The following SCAMP3 variants were observed in gnomAD, a reference collection of about 807,000 sequenced individuals.
SCAMP3 encodes secretory carrier membrane protein 3.
In SCAMP3, 30 loss-of-function variants were observed where a neutral mutation model predicts 44.1. The observed-to-expected ratio is 0.68, with a 90% CI of 0.51 to 0.92. SCAMP3 has a LOEUF of 0.92. SCAMP3 is among the 40% of genes least tolerant of loss of function. The pLI is 0.00. For synonymous variants in SCAMP3, 168 were observed against 171.1 expected (o/e 0.98, Z 0.14); for missense variants, 394 against 440.0 (o/e 0.90, Z 0.93).
At chr1:155,259,023 T>C in intron 4 of SCAMP3, 69 bp from the exon 5 acceptor site, 1 of 1,336,354 alleles carries the variant, frequency 7.5e-7, no homozygotes, top group Non-Finnish European at 1.0e-6. Context: ...TCACTCCCCC[T>C]TCTCTCCATC....
chr1:155,256,841 C>T, intron 7 of SCAMP3, 50 bp from the exon 8 acceptor site: 1 of 1,431,578 alleles, frequency 7.0e-7, no homozygotes, highest in Non-Finnish European at 9.9e-7. Flanking sequence ...AGCTTCTCCA[C>T]TGGTTATGTC....
At chr1:155,261,893 C>T in intron 1 of SCAMP3, 159 bp from the exon 2 acceptor site, 1 of 809,444 alleles carries the variant, frequency 1.2e-6, no homozygotes, top group South Asian at 1.6e-5. Context: ...CATCATCCAA[C>T]ACTGCCAGCA....
chr1:155,261,462 A>G (rs1453359595), intron 2 of SCAMP3, 195 bp downstream of exon 2: 1 of 622,414 alleles, frequency 1.6e-6, no homozygotes, highest in South Asian at 1.8e-5. Flanking sequence ...TTTAGAGCTC[A>G]AACCATTTGG....
chr1:155,259,754 T>C (rs1672908699), intron 4 of SCAMP3, among the ~76,000 whole-genome samples: 1 of 152,202 alleles, frequency 6.6e-6, no homozygotes, highest in Admixed American at 6.5e-5. Flanking sequence ...TTAAAACATC[T>C]AAGCACTGTA....
intron 5 of SCAMP3, among the ~76,000 whole-genome samples, chr1:155,258,202 G>A (rs1672856822): frequency 6.6e-6 from 1 of 151,202 alleles, no homozygotes; most frequent in Non-Finnish European, 1.5e-5. Context: ...TGTATTTGTA[G>A]TAGAGACGGG....
Position 155,261,675 on chromosome 1 carries a change from GT to G in SCAMP3, c.125del (p.Asn42ThrfsTer59), listed in dbSNP as rs779144322. On this transcript the variant is annotated frameshift_variant, in exon 2 of 9. Transcript: ENST00000302631. LOFTEE classifies it high-confidence loss of function. ...SRQYATLDVYNPFETREPPPA... is the reference protein window; with the variant it reads ...SRQYATLDVYXPFETREPPPA... The stretch of plus-strand genomic sequence containing the variant: ...AGCTCACCTCCCGGGTCTCAAAAGG[GT>G]TGTAGACGTCAAGCGTGGCATACTG... The G allele has an allele frequency of 1.2e-6, 2 of 1,614,056 alleles. No individual in the cohort carries two copies. The highest frequency in any genetic ancestry group is 1.7e-6 in the Non-Finnish European group (2 of 1,179,990).
chr1:155,256,920 A>C (rs1205090394), intron 7 of SCAMP3, 129 bp from the exon 8 acceptor site: 1 of 685,758 alleles, frequency 1.5e-6, no homozygotes. Flanking sequence ...CATTCCAAGC[A>C]CCACAATCCC....
At chr1:155,257,806 A>C (rs2148118830) in intron 5 of SCAMP3, 149 bp from the exon 6 acceptor site, 2 of 710,776 alleles carry the variant, frequency 2.8e-6, no homozygotes, top group East Asian at 5.4e-5. Context: ...AACAGGGGAG[A>C]TGGAGAAAGC....
chr1:155,257,807 T>C (rs1672846365), intron 5 of SCAMP3, 150 bp from the exon 6 acceptor site: 1 of 708,852 alleles, frequency 1.4e-6, no homozygotes, highest in Non-Finnish European at 2.3e-6. Flanking sequence ...ACAGGGGAGA[T>C]GGAGAAAGCA....
chr1:155,262,242 G>T lies in SCAMP3; in HGVS notation c.-91C>A. On this transcript the variant is annotated 5_prime_UTR_variant, in exon 1 of 9. Coordinates refer to ENST00000302631, the MANE Select transcript of SCAMP3 (RefSeq NM_005698.4). ...GTAGCCCTCAGAGTCCACTTCACTC[G>T]CCTCAGTTCGCCCCGCTTCTCTGTG... 8.8e-7 allele frequency: 1 copy of T among 1,134,566 alleles called. No homozygotes were observed. Among genetic ancestry groups the T allele is most frequent in the Non-Finnish European group, 1.3e-6 (1 of 783,958 alleles). 70.3% of individuals were successfully genotyped at this position (1,134,566 alleles called of 1,614,324 possible). A position where few individuals can be genotyped will look rare whatever the true frequency, so the allele number is the denominator to read the frequency against.
chr1:155,256,664 C>G lies in SCAMP3; in HGVS notation c.897+10G>C. 6.2e-7 allele frequency: 1 copy of G among 1,611,280 alleles called. No individual in the cohort carries two copies. Among genetic ancestry groups the G allele is most frequent in the Non-Finnish European group, 8.5e-7 (1 of 1,177,322 alleles). ...CACCATCCCGGCCCCACCTTCGACA[C>G]AGCCCTCACCCGTTTCAGCATGACA... On this transcript the variant is annotated intron_variant, in intron 8 of 8. Transcript: ENST00000302631.
At chr1:155,258,120 G>A (rs1407815020) in intron 5 of SCAMP3, among the ~76,000 whole-genome samples, 1 of 147,816 alleles carries the variant, frequency 6.8e-6, no homozygotes, top group African/African-American at 2.5e-5. Context: ...CTGGGTTCAC[G>A]CCCATTCTCC....
intron 4 of SCAMP3, 117 bp from the exon 5 acceptor site, chr1:155,259,071 G>A: frequency 1.3e-6 from 1 of 754,346 alleles, no homozygotes; most frequent in Non-Finnish European, 2.0e-6. Context: ...TTTTTTTTGA[G>A]ATAGGGTCTC....
At position 155,257,492 on chromosome 1, in the gene SCAMP3, A is replaced by G. The variant is rs1267208277; in HGVS notation, c.677+6T>C. The G allele has an allele frequency of 1.2e-6, 2 of 1,613,518 alleles. No homozygotes were observed. Among genetic ancestry groups the G allele is most frequent in the South Asian group, 1.1e-5 (1 of 90,924 alleles). On this transcript the variant is annotated splice_donor_region_variant and intron_variant, in intron 6 of 8. Transcript: ENST00000302631. ...TCCATCACTCTCCCACCACTAACAC[A>G]CTTACCGGAAAGCCTTATACATGGG...
In SCAMP3 at chr1:155,257,613, T is replaced by C; in HGVS notation, c.562A>G (p.Ser188Gly). 1 of 1,581,862 alleles carries C rather than the reference T, an allele frequency of 6.3e-7. No individual in the cohort carries two copies. Among genetic ancestry groups the C allele is most frequent in the Non-Finnish European group, 8.6e-7 (1 of 1,162,408 alleles). Residue 188 changes from serine (S) to glycine (G), a missense_variant, in exon 6 of 9, where the codon AGC (serine) becomes GGC (glycine). By Grantham distance (56) the Ser-to-Gly change is moderately conservative. Transcript: ENST00000302631. The part of the protein sequence containing the change: ...LLLNFLACLA[S>G]FCVETNNGAG... ...CCATTGTTGGTTTCCACACAGAAGC[T>C]GGCCAGGCAGGCGAGGAAGTTCAGG...
intron 8 of SCAMP3, 55 bp from the exon 9 acceptor site, chr1:155,256,474 C>T (rs756559813): frequency 2.9e-5 from 45 of 1,547,190 alleles, no homozygotes; most frequent in Non-Finnish European, 4.0e-5. Context: ...GTTCCCCACC[C>T]CAGCCTAACA....
At position 155,256,372 on chromosome 1, in the gene SCAMP3, C is replaced by T. The variant is rs769477147; in HGVS notation, c.945G>A (p.Gln315=). The T allele has an allele frequency of 1.1e-5, 17 of 1,606,924 alleles. No homozygotes were observed. The South Asian group carries it at 1.8e-4, about 17-fold the overall frequency. Residue 315 remains glutamine, a synonymous_variant, in exon 9 of 9, where the codon CAG becomes CAA. Transcript: ENST00000302631. The part of the protein sequence containing the change: ...RRTGASFQKA[Q]QEFAAGVFSN... ...AGAAGACACCAGCAGCAAATTCTTG[C>T]TGGGCCTTCTGAAAGCTGGCACCTG...
chr1:155,257,786 TGGA>T, intron 5 of SCAMP3, 129 bp from the exon 6 acceptor site: 1 of 819,358 alleles, frequency 1.2e-6, no homozygotes, highest in Non-Finnish European at 1.9e-6. Context: ...GCTGCCTTCA[TGGA>T]ATCCTCAACA....
rs779296753 is a variant in SCAMP3 at position 155,261,766 on chromosome 1, C to G, written c.67-32G>C. Reference sequence around the variant, plus strand: ...GCAGAGACCCGGGTCTCAGCTGGCACCCAGTGCCACCTAGGGGAATTCCCA... The same window carrying G: ...GCAGAGACCCGGGTCTCAGCTGGCAGCCAGTGCCACCTAGGGGAATTCCCA... On this transcript the variant is annotated intron_variant, in intron 1 of 8. Transcript: ENST00000302631. 2.3e-5 allele frequency: 37 copies of G among 1,599,162 alleles called. 1 individual carries two copies. The Admixed American group carries it at 5.8e-4, about 25-fold the overall frequency.
Sources: allele counts gnomAD v4.1 joint callset (sites outside exome capture counted in the v4.1 genomes callset), GRCh38; gene constraint gnomAD v4.1.1; transcripts MANE v1.5; gene names NCBI Gene and HGNC (gene_info 2026-07-23, HGNC 2026-07-21).